The following DIXDC1 variants were observed in gnomAD, a reference collection of about 807,000 sequenced individuals.
The protein encoded by DIXDC1 is DIX domain containing 1.
DIXDC1 carries 64 observed loss-of-function variants against 103.1 expected under a neutral mutation model. That is an observed-to-expected ratio of 0.62 (90% CI 0.51 to 0.76). The LOEUF (loss-of-function observed/expected upper bound fraction) is 0.76. Ranked by LOEUF, DIXDC1 falls within the 30% of genes least tolerant of loss-of-function variation. The probability of loss-of-function intolerance (pLI) is 0.00; values close to 1 mark genes in which losing one functional copy is unlikely to be tolerated. For missense variants in DIXDC1, 759 were observed against 834.2 expected, an observed-to-expected ratio of 0.91 and a Z score of 1.11; for synonymous variants, 266 against 298.5, an observed-to-expected ratio of 0.89 and a Z score of 1.12.
chr11:112,013,066 A>G (rs897903903), intron 17 of DIXDC1, among the ~76,000 whole-genome samples: 9 of 152,162 alleles, frequency 5.9e-5, no homozygotes, highest in Non-Finnish European at 8.8e-5. Flanking sequence ...GGAGGCTAGA[A>G]GTACAAGATC....
At chr11:111,968,395 T>C (rs1356155923) in intron 2 of DIXDC1, 118 bp from the exon 3 acceptor site, 1 of 1,052,536 alleles carries the variant, frequency 9.5e-7, no homozygotes, top group Non-Finnish European at 1.4e-6. Context: ...AACTCATTTA[T>C]ATATTTATGT....
intron 10 of DIXDC1, among the ~76,000 whole-genome samples, chr11:111,989,484 C>T (rs1377641944): frequency 4.0e-5 from 6 of 151,562 alleles, no homozygotes; most frequent in South Asian, 2.1e-4. Context: ...ATTAGTCGGG[C>T]GTGGTGGCAG....
chr11:111,947,417 G>T (rs1270017327), intron 1 of DIXDC1, among the ~76,000 whole-genome samples: 1 of 152,154 alleles, frequency 6.6e-6, no homozygotes, highest in African/African-American at 2.4e-5. Flanking sequence ...AGCCACTCAG[G>T]GCCCAGGCTT....
At chr11:111,946,627 C>G (rs781952497) in intron 1 of DIXDC1, 11 of 235,326 alleles carry the variant, frequency 4.7e-5, no homozygotes, top group Non-Finnish European at 7.3e-5. Flanking sequence ...TCCCAAAGTG[C>G]TAGAATTACA....
chr11:111,987,064 C>T (rs1439304368), intron 9 of DIXDC1, 140 bp downstream of exon 9: 7 of 539,022 alleles, frequency 1.3e-5, no homozygotes, highest in Admixed American at 3.0e-5. Context: ...TCCTGGCTAA[C>T]ATGGTGAAAC....
intron 17 of DIXDC1, among the ~76,000 whole-genome samples, chr11:112,001,431 A>G (rs587758381): frequency 1.6e-4 from 25 of 152,334 alleles, no homozygotes; most frequent in African/African-American, 5.8e-4. Context: ...TGAATTGCAC[A>G]CCTTAAAATG....
chr11:111,937,224 G>A, upstream of DIXDC1: 1 of 1,166,558 alleles, frequency 8.6e-7, no homozygotes, highest in Non-Finnish European at 1.1e-6. Flanking sequence ...AGCGGGGCTG[G>A]GGGCAGCCCG....
intron 12 of DIXDC1, 68 bp from the exon 13 acceptor site, chr11:111,993,428 C>T (rs1860772143): frequency 1.3e-6 from 2 of 1,566,036 alleles, no homozygotes; most frequent in Admixed American, 3.4e-5. Context: ...GGAAGTTACA[C>T]TGCAGAGGGT....
At chr11:111,995,854 CT>C (rs2137589563) in intron 16 of DIXDC1, among the ~76,000 whole-genome samples, 1 of 152,290 alleles carries the variant, frequency 6.6e-6, no homozygotes, top group Admixed American at 6.5e-5. Flanking sequence ...CCACCTACCC[CT>C]GATTGAGCTT....
chr11:112,008,615 C>T lies in DIXDC1; in HGVS notation c.1757-8076C>T, dbSNP rs587726680. On this transcript the variant is annotated intron_variant, in intron 17 of 19. Coordinates refer to ENST00000440460, the MANE Select transcript of DIXDC1 (RefSeq NM_001037954.4). ...AATCACAACAAACTGTCTCTCAGAC[C>T]ACAGCACAATCAAATTAGAACTCAG... Among the ~76,000 whole-genome samples, 43 of 152,290 alleles carry T rather than the reference C, an allele frequency of 2.8e-4. No homozygotes were observed. In the East Asian group the frequency reaches 8.1e-3, roughly 29 times the overall value.
intron 17 of DIXDC1, among the ~76,000 whole-genome samples, chr11:112,005,464 G>C (rs1861205714): frequency 6.6e-6 from 1 of 152,184 alleles, no homozygotes; most frequent in African/African-American, 2.4e-5. Context: ...GGGAGGCTGA[G>C]ACAGGAGGAT....
chr11:111,937,450 C>T lies in DIXDC1; in HGVS notation c.-50C>T, dbSNP rs1555168285. On this transcript the variant is annotated 5_prime_UTR_variant, in exon 1 of 20. Coordinates refer to ENST00000440460, the MANE Select transcript of DIXDC1 (RefSeq NM_001037954.4). ...GTGCAGAGGGAGGAGGAGGAGGCGG[C>T]GGCGGCCGCCGGGCTGGAGACCCCG... 6.5e-7 allele frequency: 1 copy of T among 1,550,190 alleles called. No individual in the cohort carries two copies. The highest frequency in any genetic ancestry group is 2.0e-5 in the Admixed American group (1 of 50,178).
chr11:111,964,738 C>G, intron 2 of DIXDC1, 60 bp downstream of exon 2: 2 of 1,505,612 alleles, frequency 1.3e-6, no homozygotes, highest in African/African-American at 1.4e-5. Context: ...CCTTCTTTAT[C>G]CTTCTTATGC....
At chr11:111,964,515 T>C (rs2137508123) in intron 1 of DIXDC1, 34 bp from the exon 2 acceptor site, 1 of 1,563,924 alleles carries the variant, frequency 6.4e-7, no homozygotes, top group East Asian at 2.3e-5. Context: ...ATTAATATGC[T>C]CTCTTTCCCT....
At chr11:112,018,838 T>TAAA in intron 19 of DIXDC1, 118 bp from the exon 20 acceptor site, 1 of 774,222 alleles carries the variant, frequency 1.3e-6, no homozygotes, top group Non-Finnish European at 2.1e-6. Flanking sequence ...CAAAAGGACA[T>TAAA]AGACTCTTAA....
chr11:111,986,906 G>T lies in DIXDC1; in HGVS notation c.1044G>T (p.Glu348Asp). ...AAAGTCGTCTGGATCAGAGTATGGA[G>T]GAGAATCAGGACTTAAAGGTATGTC... ...IIQSRLDQSM[E>D]ENQDLKKELL... The change falls in exon 9 of 20, where the codon GAG becomes GAT. Residue 348 changes from glutamate (E) to aspartate (D), a missense_variant. Glu to Asp is a conservative substitution (Grantham distance 45, BLOSUM62 2). Transcript: ENST00000440460. 6.3e-7 allele frequency: 1 copy of T among 1,576,884 alleles called. No homozygotes were observed. The highest frequency in any genetic ancestry group is 8.6e-7 in the Non-Finnish European group (1 of 1,160,050).
intron 9 of DIXDC1, among the ~76,000 whole-genome samples, chr11:111,987,249 C>CA (rs782010904): frequency 0.015 from 1,792 of 122,984 alleles, 12 homozygotes; most frequent in Middle Eastern, 0.07. Context: ...GACTCCATCT[C>CA]AAAAAAAAAA....
intron 3 of DIXDC1, among the ~76,000 whole-genome samples, chr11:111,971,964 T>C (rs1341221172): frequency 1.3e-5 from 2 of 152,092 alleles, no homozygotes; most frequent in African/African-American, 4.8e-5. Context: ...AACTGGGGAC[T>C]ACTAGAGGAG....
chr11:111,936,845 A>AGTGT (rs57332873), upstream of DIXDC1, among the ~76,000 whole-genome samples: 2,960 of 140,814 alleles, frequency 0.021, 32 homozygotes, highest in Middle Eastern at 0.07. Context: ...TTAAGTTAGC[A>AGTGT]GTGTGTGTGT....
Sources: allele counts gnomAD v4.1 joint callset (sites outside exome capture counted in the v4.1 genomes callset), GRCh38; gene constraint gnomAD v4.1.1; transcripts MANE v1.5; gene names NCBI Gene and HGNC (gene_info 2026-07-23, HGNC 2026-07-21).